The following FBP2 variants were observed in gnomAD, a reference collection of about 807,000 sequenced individuals.
The protein encoded by FBP2 is fructose-bisphosphatase 2.
Under a neutral mutation model 31.6 loss-of-function variants are expected in FBP2, and 27 were observed. The ratio of observed to expected loss-of-function variants is 0.85; its 90% confidence interval spans 0.63 to 1.18. The LOEUF (loss-of-function observed/expected upper bound fraction) is 1.18, where lower values mean the gene tolerates loss of function less well. Ranked by LOEUF, FBP2 falls within the 50% of genes most tolerant of loss-of-function variation. FBP2 has a pLI of 0.00. For missense variants in FBP2, 421 were observed against 436.1 expected (o/e 0.97, Z 0.31); for synonymous variants, 168 against 179.8 (o/e 0.93, Z 0.53).
chr9:94,568,681 A>G (rs1374056175), intron 4 of FBP2: 1 of 152,236 alleles, frequency 6.6e-6, no homozygotes, highest in African/African-American at 2.4e-5. Flanking sequence ...GAGAGGTGAC[A>G]CTGTCCCTGT....
In FBP2 at chr9:94,561,930, C is replaced by T. The variant is rs1192455438; in HGVS notation, c.825+1412G>A. ...GATCCCATGTGAGTATTTTCTGACT[C>T]ATTTACGATCATTTGAATAATTAGT... On this transcript the variant is annotated intron_variant, in intron 6 of 6. Transcript: ENST00000375337. Among the ~76,000 whole-genome samples the T allele has an allele frequency of 2.6e-5, 4 of 152,170 alleles. No individual in the cohort carries two copies. The East Asian group carries it at 7.7e-4, about 29-fold the overall frequency.
chr9:94,562,954 A>G (rs149830447), intron 6 of FBP2, among the ~76,000 whole-genome samples: 152 of 152,274 alleles, frequency 1.0e-3, no homozygotes, highest in East Asian at 1.5e-3. Flanking sequence ...GTTTACATGC[A>G]TTTGTTCTGG....
At chr9:94,587,731 AG>A (rs1197761238) in intron 1 of FBP2, among the ~76,000 whole-genome samples, 1 of 152,186 alleles carries the variant, frequency 6.6e-6, no homozygotes, top group African/African-American at 2.4e-5. Flanking sequence ...ACACAAACCC[AG>A]TCTCAGCACG....
At chr9:94,587,110 C>T (rs939481421) in intron 2 of FBP2, among the ~76,000 whole-genome samples, 197 bp downstream of exon 2, 4 of 152,232 alleles carry the variant, frequency 2.6e-5, no homozygotes, top group Non-Finnish European at 5.9e-5. Flanking sequence ...CTGAATGAAT[C>T]ACTGTCCTAC....
In FBP2 at chr9:94,559,565, C is replaced by T. The variant is rs193272906; in HGVS notation, c.826-433G>A. On this transcript the variant is annotated intron_variant, in intron 6 of 6. Transcript: ENST00000375337. Reference sequence around the variant, plus strand: ...GACAGTAAGGTCACCTTGACCATGCCGGCTTGTCTCTCTGGGGACAGCCAC... The same window carrying T: ...GACAGTAAGGTCACCTTGACCATGCTGGCTTGTCTCTCTGGGGACAGCCAC... Among the ~76,000 whole-genome samples, 426 of 152,242 alleles carry T rather than the reference C, an allele frequency of 2.8e-3. 1 individual carries two copies. Among genetic ancestry groups the T allele is most frequent in the Non-Finnish European group, 5.0e-3 (338 of 68,022 alleles).
intron 3 of FBP2, among the ~76,000 whole-genome samples, chr9:94,582,611 G>A (rs184164001): frequency 4.0e-5 from 6 of 149,242 alleles, no homozygotes; most frequent in South Asian, 2.1e-4. Context: ...GCAGTGGCGC[G>A]ATCTTGGCTC....
At position 94,562,696 on chromosome 9, in the gene FBP2, T is replaced by C. The variant is rs144057380; in HGVS notation, c.825+646A>G. Among the ~76,000 whole-genome samples the C allele has an allele frequency of 1.2e-3, 178 of 152,328 alleles. 2 individuals are homozygous for C. In the East Asian group the frequency reaches 0.03, roughly 26 times the overall value. The stretch of plus-strand genomic sequence containing the variant: ...TTTCTGTGATTGGCTAAAATTCAGA[T>C]GCATTTTTATGGGAGGTTCTCTGCA... On this transcript the variant is annotated intron_variant, in intron 6 of 6. Transcript: ENST00000375337.
chr9:94,571,447 A>G lies in FBP2; in HGVS notation c.567+15T>C. 1 of 1,596,380 alleles carries G rather than the reference A, an allele frequency of 6.3e-7. No individual in the cohort carries two copies. The highest frequency in any genetic ancestry group is 8.5e-7 in the Non-Finnish European group (1 of 1,171,486). On this transcript the variant is annotated intron_variant, in intron 4 of 6. Transcript: ENST00000375337. ...GGAGTCCCCAGGCACAGATGATGCC[A>G]TATTCTGTACCTACCGGGTCAAGCA...
chr9:94,562,931 A>G (rs993775768), intron 6 of FBP2, among the ~76,000 whole-genome samples: 3 of 152,182 alleles, frequency 2.0e-5, no homozygotes, highest in Non-Finnish European at 4.4e-5. Context: ...TGTAATTTGT[A>G]TGTAATGTGT....
intron 6 of FBP2, among the ~76,000 whole-genome samples, chr9:94,562,309 C>CAAAAA (rs397893359): frequency 1.4e-4 from 10 of 72,116 alleles, no homozygotes; most frequent in Non-Finnish European, 2.3e-4. Context: ...GACTCCATCT[C>CAAAAA]AAAAAAAAAA....
At chr9:94,592,940 C>T (rs1179731455) in intron 1 of FBP2, among the ~76,000 whole-genome samples, 1 of 152,106 alleles carries the variant, frequency 6.6e-6, no homozygotes, top group East Asian at 1.9e-4. Context: ...CAAAGAGAAC[C>T]CTGTGGAAGA....
chr9:94,558,747 T>A lies in FBP2; in HGVS notation c.*191A>T. ...TCCACATGTGGGTTTTTATTTCTAG[T>A]CCTTCACATTGACCATAGAATCGCC... On this transcript the variant is annotated 3_prime_UTR_variant, in exon 7 of 7. Transcript: ENST00000375337. 1.7e-6 allele frequency: 1 copy of A among 577,264 alleles called. No homozygotes were observed. Among genetic ancestry groups the A allele is most frequent in the Non-Finnish European group, 3.1e-6 (1 of 327,356 alleles). The allele number at this position is 577,264 out of a possible 1,614,324, so 35.8% of individuals were successfully genotyped here.
chr9:94,584,809 A>G (rs1489402698), intron 2 of FBP2, 140 bp from the exon 3 acceptor site: 1 of 638,166 alleles, frequency 1.6e-6, no homozygotes, highest in Non-Finnish European at 2.9e-6. Context: ...AAAAAACACC[A>G]TGACTTACGG....
intron 5 of FBP2, among the ~76,000 whole-genome samples, chr9:94,564,365 G>A (rs926401834): frequency 6.6e-6 from 1 of 152,210 alleles, no homozygotes; most frequent in South Asian, 2.1e-4. Flanking sequence ...GCACATGTAT[G>A]TTCACTGCAA....
At chr9:94,587,572 G>T in intron 1 of FBP2, 103 bp from the exon 2 acceptor site, 1 of 1,011,208 alleles carries the variant, frequency 9.9e-7, no homozygotes. Flanking sequence ...CTCTCGTTCT[G>T]TGTCTCTGGA....
rs183696567 is a variant in FBP2 at position 94,559,720 on chromosome 9, G to A, written c.826-588C>T. ...AAATCCCATCGTTTGCACTCCCATAGCATCCTGTACTTCCCCTCTGGTACC... is the reference window on the plus strand; with the variant it reads ...AAATCCCATCGTTTGCACTCCCATAACATCCTGTACTTCCCCTCTGGTACC... On this transcript the variant is annotated intron_variant, in intron 6 of 6. Coordinates refer to ENST00000375337, the MANE Select transcript of FBP2 (RefSeq NM_003837.4). 3.8e-3 allele frequency among the ~76,000 whole-genome samples: 578 copies of A among 152,272 alleles called. 1 individual carries two copies. Among genetic ancestry groups the A allele is most frequent in the Non-Finnish European group, 4.0e-3 (271 of 68,028 alleles).
Position 94,571,658 on chromosome 9 carries a change from T to G in FBP2, c.427-56A>C, listed in dbSNP as rs1205543979. The G allele has an allele frequency of 3.3e-6, 5 of 1,497,464 alleles. No individual in the cohort carries two copies. The African/African-American group carries it at 7.0e-5, about 21-fold the overall frequency. The allele number at this position is 1,497,464 out of a possible 1,614,324, so 92.8% of individuals were successfully genotyped here. On this transcript the variant is annotated intron_variant, in intron 3 of 6. Transcript: ENST00000375337. Reference sequence around the variant, plus strand: ...TATTGTTGTCTCTGGAGAGAACACTTTGCCAGGGGCCTGGGCTTCAGATCT... The same window carrying G: ...TATTGTTGTCTCTGGAGAGAACACTGTGCCAGGGGCCTGGGCTTCAGATCT...
intron 4 of FBP2, chr9:94,569,531 T>C (rs1314553019): frequency 6.6e-6 from 1 of 152,284 alleles, no homozygotes; most frequent in Non-Finnish European, 1.5e-5. Flanking sequence ...GTTGATCCAC[T>C]CCTGGGGCTG....
intron 3 of FBP2, among the ~76,000 whole-genome samples, chr9:94,579,701 A>G (rs138330775): frequency 3.3e-4 from 51 of 152,296 alleles, no homozygotes; most frequent in African/African-American, 1.0e-3. Flanking sequence ...TTTCTCTTAA[A>G]AACTTCTCAG....
Sources: allele counts gnomAD v4.1 joint callset (sites outside exome capture counted in the v4.1 genomes callset), GRCh38; gene constraint gnomAD v4.1.1; transcripts MANE v1.5; gene names NCBI Gene and HGNC (gene_info 2026-07-23, HGNC 2026-07-21).